Variants in EBF3 observed in about 807,000 individuals in gnomAD.
EBF3 encodes transcription factor COE3.
EBF3 carries 18 observed loss-of-function variants against 77.1 expected under a neutral mutation model. That is an observed-to-expected ratio of 0.23 (90% CI 0.16 to 0.35). The LOEUF (loss-of-function observed/expected upper bound fraction) is 0.35, where lower values mean the gene tolerates loss of function less well. EBF3 is among the 10% of genes least tolerant of loss of function. The pLI, the probability that EBF3 is intolerant of heterozygous loss-of-function variation, is 1.00. For synonymous variants in EBF3, 350 were observed against 343.5 expected (o/e 1.02, Z -0.21); for missense variants, 558 against 860.0 (o/e 0.65, Z 4.39).
chr10:129,901,873 A>G (rs1192747323), intron 6 of EBF3, among the ~76,000 whole-genome samples: 2 of 152,180 alleles, frequency 1.3e-5, no homozygotes, highest in African/African-American at 4.8e-5. Context: ...CTCACACCCA[A>G]CTGCAGCTTC....
chr10:129,914,249 G>A (rs1225649229), intron 6 of EBF3, among the ~76,000 whole-genome samples: 1 of 152,142 alleles, frequency 6.6e-6, no homozygotes, highest in South Asian at 2.1e-4. Context: ...CGGCTGAGGA[G>A]GGCAATCTTG....
At chr10:129,887,054 C>CCGG (rs1413353329) in intron 6 of EBF3, among the ~76,000 whole-genome samples, 2 of 10,596 alleles carry the variant, frequency 1.9e-4, no homozygotes, top group African/African-American at 4.9e-4. Flanking sequence ...GGGTTGTGGG[C>CCGG]GGGGGGGGGG....
At chr10:129,949,775 G>C (rs988058995) in intron 6 of EBF3, among the ~76,000 whole-genome samples, 8 of 152,004 alleles carry the variant, frequency 5.3e-5, no homozygotes, top group Non-Finnish European at 7.4e-5. Flanking sequence ...AAAGCGGGAG[G>C]GGGTGCAGTT....
intron 6 of EBF3, among the ~76,000 whole-genome samples, chr10:129,880,477 G>T: frequency 6.6e-6 from 1 of 151,746 alleles, no homozygotes; most frequent in African/African-American, 2.4e-5. Context: ...GCACACATAC[G>T]CACATACATA....
chr10:129,877,734 G>C lies in EBF3; in HGVS notation c.636+34C>G, dbSNP rs933043239. 3.8e-6 allele frequency: 6 copies of C among 1,579,256 alleles called. No individual in the cohort carries two copies. The African/African-American group carries it at 8.1e-5, about 21-fold the overall frequency. On this transcript the variant is annotated intron_variant, in intron 7 of 16. Transcript: ENST00000440978. ...ATTCAAATTTGGTATGAAAAGTCAG[G>C]ACCACGGTCCACGTGTCTTTGAGAA...
rs1359850861 is a variant in EBF3, at chr10:129,841,192, G to A, written c.1373-160C>T. 5.3e-5 allele frequency among the ~76,000 whole-genome samples: 8 copies of A among 152,166 alleles called. No homozygotes were observed. Among genetic ancestry groups the A allele is most frequent in the East Asian group, 1.9e-4 (1 of 5,168 alleles). On this transcript the variant is annotated intron_variant, in intron 13 of 16. Coordinates refer to ENST00000440978, the MANE Select transcript of EBF3 (RefSeq NM_001375380.1). The surrounding 1 kb of genome is among the most constrained non-coding windows in gnomAD (Gnocchi z 4.6). ...CTGCCAGCTCGGATGACCTTATCAC[G>A]CCAACCCTGCTGCCACTGTCTCACC...
intron 6 of EBF3, among the ~76,000 whole-genome samples, chr10:129,939,868 G>A (rs1857609065): frequency 6.6e-6 from 1 of 152,244 alleles, no homozygotes; most frequent in African/African-American, 2.4e-5. Context: ...AATCTTTCTA[G>A]ATACCACGTC....
intron 11 of EBF3, chr10:129,845,447 T>A (rs945378396): frequency 3.9e-5 from 6 of 152,242 alleles, no homozygotes; most frequent in African/African-American, 1.4e-4. Context: ...TTTATTATTA[T>A]GAGTATTCAT....
chr10:129,926,375 G>A (rs1423413676), intron 6 of EBF3, among the ~76,000 whole-genome samples: 4 of 152,200 alleles, frequency 2.6e-5, no homozygotes, highest in African/African-American at 9.6e-5. Context: ...CCTGGCTGGT[G>A]TGAAGGTGGG....
chr10:129,962,067 GA>G (rs1023918006), intron 4 of EBF3, 103 bp downstream of exon 4: 3 of 1,088,906 alleles, frequency 2.8e-6, no homozygotes, highest in African/African-American at 3.2e-5. Flanking sequence ...AAACTCAATG[GA>G]AAACAAATAC....
In EBF3 at chr10:129,842,073, G is replaced by A. The variant is rs758695958; in HGVS notation, c.1372+43C>T. ...TCAGCTAAGGCCTCAACCAACCCTC[G>A]GAGGGCGTTCAGGGCAGGGGTCCTC... On this transcript the variant is annotated intron_variant, in intron 13 of 16. Coordinates refer to ENST00000440978, the MANE Select transcript of EBF3 (RefSeq NM_001375380.1). This position sits in a 1 kb window ranked among gnomAD's most constrained non-coding sequence, Gnocchi z 4.4. 99 of 1,612,954 alleles carry A rather than the reference G, an allele frequency of 6.1e-5. No homozygotes were observed. Among genetic ancestry groups the A allele is most frequent in the Middle Eastern group, 1.6e-4 (1 of 6,076 alleles).
In EBF3 at chr10:129,863,889, A is replaced by G. The variant is rs533992880; in HGVS notation, c.1039+3252T>C. Among the ~76,000 whole-genome samples the G allele has an allele frequency of 6.6e-6, 1 of 152,212 alleles. No individual in the cohort carries two copies. The highest frequency in any genetic ancestry group is 2.1e-4 in the South Asian group (1 of 4,802). ...TTAATGACTGGGGTGTGGGGGAGCC[A>G]ATAGGTTAACCTCCAGCCAGGAAAG... is the stretch of plus-strand genomic sequence containing the variant. On this transcript the variant is annotated intron_variant, in intron 10 of 16. Transcript: ENST00000440978. The surrounding 1 kb of genome is among the most constrained non-coding windows in gnomAD (Gnocchi z 4.0).
chr10:129,913,850 T>C (rs1385952778), intron 6 of EBF3, among the ~76,000 whole-genome samples: 3 of 152,014 alleles, frequency 2.0e-5, no homozygotes, highest in African/African-American at 7.3e-5. Flanking sequence ...CATCTTCTCA[T>C]CTAAATCCCA....
At chr10:129,954,498 G>A (rs2134593553) in intron 6 of EBF3, among the ~76,000 whole-genome samples, 1 of 147,004 alleles carries the variant, frequency 6.8e-6, no homozygotes, top group South Asian at 2.2e-4. Flanking sequence ...ACTAAATTGT[G>A]TAATTAATTG....
At position 129,841,042 on chromosome 10, in the gene EBF3, T is replaced by TCTCC; in HGVS notation, c.1373-11_1373-10insGGAG. 2 of 1,507,650 alleles carry TCTCC rather than the reference T, an allele frequency of 1.3e-6. No individual in the cohort carries two copies. The allele number at this position is 1,507,650 out of a possible 1,614,324, so 93.4% of individuals were successfully genotyped here. ...TTGCGACTGTAGCCGACTGTTGAAATCCCCCCCCCGGCCAAAAATAACATT... is the reference window on the plus strand; with the variant it reads ...TTGCGACTGTAGCCGACTGTTGAAATCTCCCCCCCCCCCGGCCAAAAATAACATT... On this transcript the variant is annotated splice_polypyrimidine_tract_variant and intron_variant, in intron 13 of 16. Coordinates refer to ENST00000440978, the MANE Select transcript of EBF3 (RefSeq NM_001375380.1). This position sits in a 1 kb window ranked among gnomAD's most constrained non-coding sequence, Gnocchi z 4.6.
intron 6 of EBF3, among the ~76,000 whole-genome samples, chr10:129,932,263 A>ATAACCC (rs1857073768): frequency 6.6e-6 from 1 of 152,226 alleles, no homozygotes; most frequent in Non-Finnish European, 1.5e-5. Flanking sequence ...GCCTTCGTGG[A>ATAACCC]TAACCCACTT....
intron 10 of EBF3, among the ~76,000 whole-genome samples, chr10:129,856,961 G>C (rs1243328024): frequency 6.6e-6 from 1 of 152,178 alleles, no homozygotes; most frequent in Admixed American, 6.5e-5. Context: ...TTAGAATAAA[G>C]ATGTGTCCAG....
chr10:129,922,412 T>C (rs1194673796), intron 6 of EBF3, among the ~76,000 whole-genome samples: 1 of 152,198 alleles, frequency 6.6e-6, no homozygotes, highest in Non-Finnish European at 1.5e-5. Context: ...ACCCCACCCG[T>C]GCCCCCCGGC....
rs1590035090 is a variant in EBF3, at chr10:129,841,184, C to G, written c.1373-152G>C. The stretch of plus-strand genomic sequence containing the variant: ...AGCGCCTGCTGCCAGCTCGGATGAC[C>G]TTATCACGCCAACCCTGCTGCCACT... On this transcript the variant is annotated intron_variant, in intron 13 of 16. Transcript: ENST00000440978. The surrounding 1 kb of genome is among the most constrained non-coding windows in gnomAD (Gnocchi z 4.6). 1 of 1,029,548 alleles carries G rather than the reference C, an allele frequency of 9.7e-7. No homozygotes were observed. The highest frequency in any genetic ancestry group is 1.7e-5 in the South Asian group (1 of 59,000). 63.8% of individuals were successfully genotyped at this position (1,029,548 alleles called of 1,614,324 possible). A position where few individuals can be genotyped will look rare whatever the true frequency, so the allele number is the denominator to read the frequency against.
Sources: allele counts gnomAD v4.1 joint callset (sites outside exome capture counted in the v4.1 genomes callset), GRCh38; gene constraint gnomAD v4.1.1; non-coding constraint Gnocchi (gnomAD v3.1); transcripts MANE v1.5; gene names NCBI Gene and HGNC (gene_info 2026-07-23, HGNC 2026-07-21).